Variants in AHCY observed in about 807,000 individuals in gnomAD.
AHCY encodes adenosylhomocysteinase, also known as S-adenosyl-L-homocysteine hydrolase.
In AHCY, 24 loss-of-function variants were observed where a neutral mutation model predicts 45.4. That is an observed-to-expected ratio of 0.53 (90% CI 0.38 to 0.74). The LOEUF is 0.74. AHCY is among the 30% of genes least tolerant of loss of function. AHCY has a pLI of 0.00. For synonymous variants in AHCY, 245 were observed against 235.1 expected, an observed-to-expected ratio of 1.04 and a Z score of -0.39; for missense variants, 449 against 594.1, an observed-to-expected ratio of 0.76 and a Z score of 2.54.
chr20:34,277,754 C>CA (rs59920283), downstream of AHCY, among the ~76,000 whole-genome samples: 3,374 of 38,378 alleles, frequency 0.088, 118 homozygotes, highest in Non-Finnish European at 0.14. Flanking sequence ...GACTCCATCT[C>CA]AAAAAAAAAA....
At chr20:34,310,116 C>A (rs562942210) in intron 1 of AHCY, among the ~76,000 whole-genome samples, 11 of 152,002 alleles carry the variant, frequency 7.2e-5, no homozygotes, top group African/African-American at 2.7e-4. Context: ...TGCAGTGGCG[C>A]GATCTTGGCT....
At chr20:34,291,993 T>C (rs2036412506) in intron 4 of AHCY, among the ~76,000 whole-genome samples, 1 of 152,248 alleles carries the variant, frequency 6.6e-6, no homozygotes, top group Non-Finnish European at 1.5e-5. Flanking sequence ...ATACCCGCAG[T>C]GAAGGCTCCC....
At chr20:34,256,981 TCCA>T in the AHCY span, among the ~76,000 whole-genome samples, 2 of 152,036 alleles carry the variant, frequency 1.3e-5, no homozygotes, top group East Asian at 3.9e-4. Flanking sequence ...CCCACCACAT[TCCA>T]CCACATCTCC....
intron 8 of AHCY, among the ~76,000 whole-genome samples, chr20:34,287,732 G>C (rs917950623): frequency 2.0e-5 from 3 of 152,144 alleles, no homozygotes; most frequent in Non-Finnish European, 4.4e-5. Context: ...GATGAACAAG[G>C]AGAAGGGCAT....
chr20:34,247,734 A>G, the AHCY span, among the ~76,000 whole-genome samples: 1 of 151,990 alleles, frequency 6.6e-6, no homozygotes, highest in Admixed American at 6.6e-5. Flanking sequence ...TCAGCCTCCC[A>G]AGATAGCTGA....
intron 4 of AHCY, 47 bp downstream of exon 4, chr20:34,292,311 C>G: frequency 6.3e-7 from 1 of 1,599,874 alleles, no homozygotes; most frequent in East Asian, 2.3e-5. Flanking sequence ...GCAAACAGGC[C>G]CCACCCAGGC....
At chr20:34,302,727 G>A in intron 1 of AHCY, 3 of 988,938 alleles carry the variant, frequency 3.0e-6, no homozygotes, top group Non-Finnish European at 3.6e-6. Context: ...TGGGTAACTG[G>A]CCCAAAGTCC....
the AHCY span, among the ~76,000 whole-genome samples, chr20:34,249,759 C>G: frequency 6.6e-6 from 1 of 152,104 alleles, no homozygotes; most frequent in African/African-American, 2.4e-5. Context: ...GTAGGGCATC[C>G]GTTATTCACA....
chr20:34,238,252 C>T, the AHCY span, among the ~76,000 whole-genome samples: 1 of 151,962 alleles, frequency 6.6e-6, no homozygotes, highest in Non-Finnish European at 1.5e-5. Flanking sequence ...TCTCTCTTCT[C>T]CTTCTGGGAT....
the AHCY span, among the ~76,000 whole-genome samples, chr20:34,273,517 C>T: frequency 0.75 from 114,568 of 152,082 alleles, 46,098 homozygotes; most frequent in Non-Finnish European, 0.89. Context: ...AGGCGTGAGC[C>T]GCTGCAGCCA....
Position 34,285,598 on chromosome 20 carries a change from T to C in AHCY, c.1009A>G (p.Ile337Val), listed in dbSNP as rs771507250. The C allele has an allele frequency of 5.6e-6, 9 of 1,614,004 alleles. No individual in the cohort carries two copies. Among genetic ancestry groups the C allele is most frequent in the Non-Finnish European group, 7.6e-6 (9 of 1,180,000 alleles). The change falls in exon 9 of 10, where the codon ATC (isoleucine) becomes GTC (valine). Residue 337 changes from isoleucine (I) to valine (V), a missense_variant. Ile to Val is a conservative substitution (Grantham distance 29). Transcript: ENST00000217426. ...ACCAGCCGACCCTCGGCCAGCAGGA[T>C]GATGCGGCGCCCATTCTTCAACCGA... is the stretch of plus-strand genomic sequence containing the variant. ...RYRLKNGRRI[I>V]LLAEGRLVNL...
At position 34,288,536 on chromosome 20, in the gene AHCY, G is replaced by C. The variant is rs540342963; in HGVS notation, c.972+1796C>G. On this transcript the variant is annotated intron_variant, in intron 8 of 9. Coordinates refer to ENST00000217426, the MANE Select transcript of AHCY (RefSeq NM_000687.4). ...TAAAAAGTTAGCCAGGTGTAGTAGT[G>C]CACATCTGTAGTCCCAGGTACTTGG... Among the ~76,000 whole-genome samples the C allele has an allele frequency of 3.9e-5, 6 of 152,160 alleles. No individual in the cohort carries two copies. In the South Asian group the frequency reaches 1.2e-3, roughly 32 times the overall value.
intron 1 of AHCY, among the ~76,000 whole-genome samples, chr20:34,310,984 G>T (rs751333898): frequency 2.0e-5 from 3 of 152,084 alleles, no homozygotes; most frequent in Admixed American, 6.6e-5. Flanking sequence ...AAATTAGGCG[G>T]GCGTGGTGGC....
chr20:34,290,607 A>G lies in AHCY; in HGVS notation c.798T>C (p.Cys266=). ...TGGTGACAAAGATGTTGCCCTCCTG[A>G]CAGGCCTCATCCATGGTGGTCACCT... ...GYEVTTMDEA[C]QEGNIFVTTT... The change falls in exon 7 of 10, where the codon TGT becomes TGC. Residue 266 remains cysteine (C), a synonymous_variant. Transcript: ENST00000217426. The surrounding 1 kb of genome is among the most constrained non-coding windows in gnomAD (Gnocchi z 4.5). 1 of 1,614,156 alleles carries G rather than the reference A, an allele frequency of 6.2e-7. No individual in the cohort carries two copies. Among genetic ancestry groups the G allele is most frequent in the Non-Finnish European group, 8.5e-7 (1 of 1,180,044 alleles).
At chr20:34,269,060 A>T in the AHCY span, 1 of 1,597,102 alleles carries the variant, frequency 6.3e-7, no homozygotes, top group East Asian at 2.3e-5. Context: ...GGCCACCCGC[A>T]ACAGCTGCAA....
In AHCY at chr20:34,287,153, GTC is replaced by G. The variant is rs780051995; in HGVS notation, c.973-1521_973-1520del. 5.3e-5 allele frequency among the ~76,000 whole-genome samples: 8 copies of G among 152,210 alleles called. No homozygotes were observed. In the South Asian group the frequency reaches 1.7e-3, roughly 32 times the overall value. On this transcript the variant is annotated intron_variant, in intron 8 of 9. Transcript: ENST00000217426. Reference sequence around the variant, plus strand: ...AGGCCTAGTACCGATCCAAGGAAAGGTCTCTGATGCCCATCAGGCATTGATTG... The same window carrying G: ...AGGCCTAGTACCGATCCAAGGAAAGGTCTGATGCCCATCAGGCATTGATTG...
intron 8 of AHCY, among the ~76,000 whole-genome samples, chr20:34,289,666 TG>T (rs1246364929): frequency 7.0e-4 from 106 of 151,738 alleles, no homozygotes; most frequent in African/African-American, 2.2e-3. Flanking sequence ...TTAGTAGAGA[TG>T]GGGTTTCATC....
chr20:34,246,831 C>G, the AHCY span, among the ~76,000 whole-genome samples: 16 of 152,072 alleles, frequency 1.1e-4, no homozygotes, highest in Admixed American at 1.0e-3. Flanking sequence ...ATTCCCACAA[C>G]TCTTCTATTT....
chr20:34,291,378 G>A lies in AHCY; in HGVS notation c.558+41C>T, dbSNP rs747952049. ...TTCTTCAGAGGCCTCGTCCTGAGCTGCAGCCACTGTAGCGGGAGCTGTCAC... is the reference window on the plus strand; with the variant it reads ...TTCTTCAGAGGCCTCGTCCTGAGCTACAGCCACTGTAGCGGGAGCTGTCAC... On this transcript the variant is annotated intron_variant, in intron 5 of 9. Transcript: ENST00000217426. The A allele has an allele frequency of 3.2e-6, 5 of 1,554,212 alleles. No individual in the cohort carries two copies. In the South Asian group the frequency reaches 3.3e-5, roughly 10 times the overall value.
Sources: allele counts gnomAD v4.1 joint callset (sites outside exome capture counted in the v4.1 genomes callset), GRCh38; gene constraint gnomAD v4.1.1; non-coding constraint Gnocchi (gnomAD v3.1); transcripts MANE v1.5; gene names NCBI Gene and HGNC (gene_info 2026-07-23, HGNC 2026-07-21).